Variants in NKIRAS2 observed in about 807,000 individuals in gnomAD.
NKIRAS2 encodes the protein NFKB inhibitor interacting Ras like 2.
NKIRAS2 carries 15 observed loss-of-function variants against 20.7 expected under a neutral mutation model. The observed-to-expected ratio is 0.73, with a 90% confidence interval of 0.49 to 1.12. NKIRAS2 has a LOEUF of 1.12. NKIRAS2 is among the 50% of genes most tolerant of loss of function. NKIRAS2 has a pLI of 0.00. For missense variants in NKIRAS2, 196 were observed against 249.6 expected (o/e 0.79, Z 1.45); for synonymous variants, 116 against 101.4 (o/e 1.14, Z -0.87).
chr17:42,018,776 ACT>A (rs1241794650), upstream of NKIRAS2, among the ~76,000 whole-genome samples: 1 of 152,002 alleles, frequency 6.6e-6, no homozygotes, highest in African/African-American at 2.4e-5. Context: ...TCTGTTGATG[ACT>A]CTCAACTTTT....
chr17:42,024,431 T>G lies in NKIRAS2; in HGVS notation c.*538T>G, dbSNP rs2052530504. ...CCCTGACCTTTCTCCTGTCCTTTTC[T>G]TGGCTGGAAGAAGTTGGCCTCCTGG... is the stretch of plus-strand genomic sequence containing the variant. On this transcript the variant is annotated 3_prime_UTR_variant, in exon 4 of 4. Transcript: ENST00000393885. 6.4e-6 allele frequency: 1 copy of G among 155,762 alleles called. No individual in the cohort carries two copies. The highest frequency in any genetic ancestry group is 2.4e-5 in the African/African-American group (1 of 41,470). 9.6% of individuals were successfully genotyped at this position (155,762 alleles called of 1,614,324 possible).
Position 42,021,595 on chromosome 17 carries a change from G to A in NKIRAS2, c.18G>A (p.Lys6=), listed in dbSNP as rs1555653036. MGKSC[K]VVVCGQASVG... Reference sequence around the variant, plus strand: ...AACTAAGCATGGGGAAGAGCTGCAAGGTGGTCGTGTGTGGCCAGGCGTCTG... The same window carrying A: ...AACTAAGCATGGGGAAGAGCTGCAAAGTGGTCGTGTGTGGCCAGGCGTCTG... Residue 6 remains lysine, a synonymous_variant, in exon 2 of 4, where the codon AAG becomes AAA. Coordinates refer to ENST00000393885, the MANE Select transcript of NKIRAS2 (RefSeq NM_017595.6). 6.2e-7 allele frequency: 1 copy of A among 1,614,204 alleles called. No homozygotes were observed. The highest frequency in any genetic ancestry group is 1.1e-5 in the South Asian group (1 of 91,090).
rs1461773023 is a variant in NKIRAS2, at chr17:42,024,496, G to T, written c.*603G>T. The stretch of plus-strand genomic sequence containing the variant: ...GTTTTAAATCCCCCACCCCTGGCTG[G>T]GCTCAGTGGCTCACCCCTGTAATCC... On this transcript the variant is annotated 3_prime_UTR_variant, in exon 4 of 4. Transcript: ENST00000393885. 1 of 154,218 alleles carries T rather than the reference G, an allele frequency of 6.5e-6. No individual in the cohort carries two copies. The highest frequency in any genetic ancestry group is 1.4e-5 in the Non-Finnish European group (1 of 69,260). The allele number at this position is 154,218 out of a possible 1,614,324, so 9.6% of individuals were successfully genotyped here.
upstream of NKIRAS2, chr17:42,018,606 C>G (rs372254143): frequency 2.0e-5 from 3 of 152,162 alleles, no homozygotes; most frequent in African/African-American, 7.2e-5. Flanking sequence ...TTCCAAAACG[C>G]CTACTCTGTG....
chr17:42,017,720 G>C, upstream of NKIRAS2: 1 of 503,280 alleles, frequency 2.0e-6, no homozygotes, highest in Non-Finnish European at 3.6e-6. Context: ...TATTCCAAGA[G>C]CCTCATTGCC....
In NKIRAS2 at chr17:42,022,534, C is replaced by T. The variant is rs781887347; in HGVS notation, c.230C>T (p.Ser77Phe). The change falls in exon 3 of 4, where the codon TCT (serine) becomes TTT (phenylalanine). Residue 77 changes from serine (S) to phenylalanine (F), a missense_variant. By Grantham distance (155) the Ser-to-Phe change is radical (BLOSUM62 -2). Coordinates refer to ENST00000393885, the MANE Select transcript of NKIRAS2 (RefSeq NM_017595.6). ...GCCGAACTGCCCCGACACTGCTTCTCTTGCACTGATGGCTACGTCCTGGTC... is the reference window on the plus strand; with the variant it reads ...GCCGAACTGCCCCGACACTGCTTCTTTTGCACTGATGGCTACGTCCTGGTC... ...DGAELPRHCF[S>F]CTDGYVLVYS... 1.9e-6 allele frequency: 3 copies of T among 1,614,162 alleles called. No individual in the cohort carries two copies. Among genetic ancestry groups the T allele is most frequent in the African/African-American group, 1.3e-5 (1 of 75,058 alleles).
At chr17:42,017,775 G>A (rs2052347663), upstream of NKIRAS2, 1 of 347,150 alleles carries the variant, frequency 2.9e-6, no homozygotes, top group Admixed American at 4.7e-5. Context: ...AGGCTCCGTG[G>A]AGTCTGGGTT....
At chr17:42,018,963 C>A (rs1486399527), upstream of NKIRAS2, among the ~76,000 whole-genome samples, 5 of 152,216 alleles carry the variant, frequency 3.3e-5, no homozygotes, top group African/African-American at 1.2e-4. Context: ...TAATTATTAT[C>A]TTTCCTAAAT....
chr17:42,018,787 T>C (rs1555652490), upstream of NKIRAS2, among the ~76,000 whole-genome samples: 1 of 152,222 alleles, frequency 6.6e-6, no homozygotes, highest in East Asian at 1.9e-4. Context: ...CTCTCAACTT[T>C]TCATATCTCC....
upstream of NKIRAS2, among the ~76,000 whole-genome samples, chr17:42,019,809 C>G (rs376929659): frequency 5.9e-5 from 9 of 152,362 alleles, no homozygotes; most frequent in African/African-American, 2.2e-4. Flanking sequence ...AGATGATGCT[C>G]AGAAAACATT....
Position 42,022,462 on chromosome 17 carries a change from T to G in NKIRAS2, c.158T>G (p.Val53Gly), listed in dbSNP as rs1555653282. 7.5e-6 allele frequency: 12 copies of G among 1,610,406 alleles called. No homozygotes were observed. The highest frequency in any genetic ancestry group is 1.0e-5 in the Non-Finnish European group (12 of 1,177,404). The change falls in exon 3 of 4, where the codon GTG becomes GGG. Residue 53 changes from valine (V) to glycine (G), a missense_variant. Transcript: ENST00000393885. ...YVGSIETDRG[V>G]REQVRFYDTR... Reference sequence around the variant, plus strand: ...GGCTCCATTGAGACAGACCGGGGGGTGCGAGAGCAGGTGCGTTTCTATGAC... The same window carrying G: ...GGCTCCATTGAGACAGACCGGGGGGGGCGAGAGCAGGTGCGTTTCTATGAC...
intron 3 of NKIRAS2, 44 bp downstream of exon 3, chr17:42,022,684 G>A (rs1343332990): frequency 6.3e-7 from 1 of 1,582,172 alleles, no homozygotes; most frequent in Non-Finnish European, 8.6e-7. Context: ...TGGTCAGAGA[G>A]TTTGGGCGGA....
chr17:42,024,202 C>G lies in NKIRAS2; in HGVS notation c.*309C>G, dbSNP rs2052524791. 5.2e-6 allele frequency: 2 copies of G among 384,912 alleles called. No homozygotes were observed. The highest frequency in any genetic ancestry group is 9.7e-6 in the Non-Finnish European group (2 of 206,144). 23.8% of individuals were successfully genotyped at this position (384,912 alleles called of 1,614,324 possible). Reference sequence around the variant, plus strand: ...CTGCCCCAGACAGGAAGCAGAGTCACCACGCAGCAGTGTCCCTTCTTGGGT... The same window carrying G: ...CTGCCCCAGACAGGAAGCAGAGTCAGCACGCAGCAGTGTCCCTTCTTGGGT... On this transcript the variant is annotated 3_prime_UTR_variant, in exon 4 of 4. Coordinates refer to ENST00000393885, the MANE Select transcript of NKIRAS2 (RefSeq NM_017595.6).
In NKIRAS2 at chr17:42,023,662, C is replaced by T. The variant is rs782243256; in HGVS notation, c.345C>T (p.Ile115=). Residue 115 remains isoleucine, a synonymous_variant, in exon 4 of 4, where the codon ATC becomes ATT. Transcript: ENST00000393885. The part of the protein sequence containing the change: ...DKSKDKKEVT[I]VVLGNKCDLQ... ...CTGTCCCTCTTCCCCAGGTCACCAT[C>T]GTGGTCCTTGGCAACAAGTGTGACT... is the stretch of plus-strand genomic sequence containing the variant. The T allele has an allele frequency of 1.1e-5, 18 of 1,613,856 alleles. No homozygotes were observed. In the East Asian group the frequency reaches 1.6e-4, roughly 14 times the overall value.
At chr17:42,021,841 A>T in intron 2 of NKIRAS2, 170 bp downstream of exon 2, 1 of 763,466 alleles carries the variant, frequency 1.3e-6, no homozygotes, top group Non-Finnish European at 2.4e-6. Context: ...ATACGGAGGG[A>T]GAAAGCCCTA....
chr17:42,018,264 C>G (rs1177282036), upstream of NKIRAS2, among the ~76,000 whole-genome samples: 1 of 152,102 alleles, frequency 6.6e-6, no homozygotes, highest in Non-Finnish European at 1.5e-5. Flanking sequence ...TCATAGGGGA[C>G]AAGGGCACAG....
chr17:42,017,650 C>G, upstream of NKIRAS2: 1 of 584,944 alleles, frequency 1.7e-6, no homozygotes, highest in Non-Finnish European at 3.0e-6. Flanking sequence ...GCCACTTTAC[C>G]CGTGGGTGGG....
rs2052440847 is a variant in NKIRAS2, at chr17:42,021,273, A to G, written c.-14-291A>G. 1.3e-5 allele frequency: 4 copies of G among 310,540 alleles called. No homozygotes were observed. In the South Asian group the frequency reaches 1.4e-4, roughly 11 times the overall value. 19.2% of individuals were successfully genotyped at this position (310,540 alleles called of 1,614,324 possible). On this transcript the variant is annotated intron_variant, in intron 1 of 3. Coordinates refer to ENST00000393885, the MANE Select transcript of NKIRAS2 (RefSeq NM_017595.6). ...TTTCCAAGCACCTGCCCTGTGACAG[A>G]TACTGGCTAGGTACTGGGGATAACA...
At chr17:42,023,412 A>G (rs1252142052) in intron 3 of NKIRAS2, among the ~76,000 whole-genome samples, 4 of 152,246 alleles carry the variant, frequency 2.6e-5, no homozygotes, top group East Asian at 3.8e-4. Flanking sequence ...TGTATGGGCA[A>G]TACAGAGCTG....
Sources: allele counts gnomAD v4.1 joint callset (sites outside exome capture counted in the v4.1 genomes callset), GRCh38; gene constraint gnomAD v4.1.1; transcripts MANE v1.5; gene names NCBI Gene and HGNC (gene_info 2026-07-23, HGNC 2026-07-21).